WWOX: variants seen among roughly 807,000 people sequenced by gnomAD.
WWOX encodes the protein WW domain-containing oxidoreductase.
WWOX carries 69 observed loss-of-function variants against 46.2 expected under a neutral mutation model. The observed-to-expected ratio is 1.49, with a 90% CI of 1.23 to 1.82. WWOX has a LOEUF of 1.82. Ranked by LOEUF, WWOX falls within the 40% of genes most tolerant of loss-of-function variation. WWOX has a pLI of 0.00. For missense variants in WWOX, 919 were observed against 542.6 expected (o/e 1.69, Z -6.89); for synonymous variants, 359 against 202.6 (o/e 1.77, Z -6.56).
rs200371035 is a variant in WWOX at position 79,211,920 on chromosome 16, G to T, written c.*124G>T. ...ATCCGCAAGAGTAAAGGAAATAAGA[G>T]CAGTCACAACAGAGTGAAAAATCTT... On this transcript the variant is annotated 3_prime_UTR_variant, in exon 9 of 9. Coordinates refer to ENST00000566780, the MANE Select transcript of WWOX (RefSeq NM_016373.4). 2.6e-6 allele frequency: 4 copies of T among 1,543,480 alleles called. No homozygotes were observed. Among genetic ancestry groups the T allele is most frequent in the Admixed American group, 2.0e-5 (1 of 51,158 alleles).
At chr16:79,086,887 C>G (rs1231627254) in intron 8 of WWOX, among the ~76,000 whole-genome samples, 3 of 152,106 alleles carry the variant, frequency 2.0e-5, no homozygotes, top group African/African-American at 7.2e-5. Flanking sequence ...TGTCCCAAAA[C>G]AAAATAAAAC....
At chr16:78,782,817 G>C (rs548074462) in intron 8 of WWOX, among the ~76,000 whole-genome samples, 1 of 152,020 alleles carries the variant, frequency 6.6e-6, no homozygotes. Flanking sequence ...AAGATGTACT[G>C]TTATTTTATG....
At chr16:78,833,398 C>T (rs1039524468) in intron 8 of WWOX, among the ~76,000 whole-genome samples, 1 of 150,506 alleles carries the variant, frequency 6.6e-6, no homozygotes, top group Non-Finnish European at 1.5e-5. Context: ...TGGCTGTTCT[C>T]ATGTTTACTT....
chr16:78,982,739 G>C (rs904340068), intron 8 of WWOX, among the ~76,000 whole-genome samples: 2 of 152,174 alleles, frequency 1.3e-5, no homozygotes, highest in African/African-American at 2.4e-5. Flanking sequence ...TTTGAATCCT[G>C]CAAACCCTCG....
chr16:78,422,806 C>CATATAT (rs1408611817), intron 6 of WWOX, among the ~76,000 whole-genome samples: 1 of 117,876 alleles, frequency 8.5e-6, no homozygotes, highest in Non-Finnish European at 1.5e-5. Context: ...TATATATACA[C>CATATAT]ACACATATAT....
intron 5 of WWOX, among the ~76,000 whole-genome samples, chr16:78,239,439 A>T (rs1258476634): frequency 2.0e-5 from 3 of 152,060 alleles, no homozygotes; most frequent in Non-Finnish European, 2.9e-5. Flanking sequence ...TGCTCATGGG[A>T]CTGGTGTGTT....
intron 8 of WWOX, among the ~76,000 whole-genome samples, chr16:78,936,704 C>G (rs997787150): frequency 2.6e-5 from 4 of 151,734 alleles, no homozygotes; most frequent in Non-Finnish European, 4.4e-5. Flanking sequence ...AGATTTCTGA[C>G]AACAGCTCAG....
At chr16:78,446,657 C>CTTTTTTT (rs5818138) in intron 8 of WWOX, among the ~76,000 whole-genome samples, 3 of 88,114 alleles carry the variant, frequency 3.4e-5, no homozygotes, top group African/African-American at 9.1e-5. Context: ...CAAGTGTATA[C>CTTTTTTT]TTTTTTTTTT....
chr16:78,990,817 G>A (rs562778189), intron 8 of WWOX, among the ~76,000 whole-genome samples: 1 of 152,334 alleles, frequency 6.6e-6, no homozygotes, highest in African/African-American at 2.4e-5. Context: ...CTTTGCCTCA[G>A]TCTTTCTGGA....
intron 8 of WWOX, among the ~76,000 whole-genome samples, chr16:78,674,491 G>T (rs1296848979): frequency 6.6e-6 from 1 of 151,998 alleles, no homozygotes; most frequent in South Asian, 2.1e-4. Flanking sequence ...CACCATGTTA[G>T]CCAGGCTGGT....
At position 78,763,061 on chromosome 16, in the gene WWOX, T is replaced by C. The variant is rs137860170; in HGVS notation, c.1056+330309T>C. On this transcript the variant is annotated intron_variant, in intron 8 of 8. Coordinates refer to ENST00000566780, the MANE Select transcript of WWOX (RefSeq NM_016373.4). Reference sequence around the variant, plus strand: ...TGGGACTTACACTAGAACATTCATATTGCAATAAAGCAGATTTTTCCTGAG... The same window carrying C: ...TGGGACTTACACTAGAACATTCATACTGCAATAAAGCAGATTTTTCCTGAG... Among the ~76,000 whole-genome samples the C allele has an allele frequency of 3.6e-3, 547 of 152,312 alleles. 6 individuals carry two copies. Among genetic ancestry groups the C allele is most frequent in the Middle Eastern group, 0.017 (5 of 294 alleles).
At chr16:78,318,673 TTA>T (rs1271740151) in intron 5 of WWOX, among the ~76,000 whole-genome samples, 2 of 152,184 alleles carry the variant, frequency 1.3e-5, no homozygotes, top group Non-Finnish European at 2.9e-5. Context: ...ATAATAAATG[TTA>T]AGTGCTTTTA....
intron 5 of WWOX, among the ~76,000 whole-genome samples, chr16:78,255,070 A>G (rs994472497): frequency 1.3e-5 from 2 of 152,206 alleles, no homozygotes; most frequent in Admixed American, 6.5e-5. Context: ...TTCCCCTTTC[A>G]TGTTCCTGGC....
intron 4 of WWOX, among the ~76,000 whole-genome samples, chr16:78,145,587 G>C (rs2034170595): frequency 6.6e-6 from 1 of 152,170 alleles, no homozygotes; most frequent in Non-Finnish European, 1.5e-5. Context: ...GGGTGGGTCT[G>C]TCTCTCTTCA....
In WWOX at chr16:78,422,802, T is replaced by TAC. The variant is rs1302383672; in HGVS notation, c.606-2060_606-2059dup. Among the ~76,000 whole-genome samples, 164 of 106,524 alleles carry TAC rather than the reference T, an allele frequency of 1.5e-3. 4 individuals carry two copies. The highest frequency in any genetic ancestry group is 8.9e-3 in the African/African-American group (134 of 14,986). 69.9% of individuals were successfully genotyped at this position (106,524 alleles called of 152,430 possible). ...ATATATATACACACACACATATATA[T>TAC]ACACACACATATATATACACACACA... On this transcript the variant is annotated intron_variant, in intron 6 of 8. Coordinates refer to ENST00000566780, the MANE Select transcript of WWOX (RefSeq NM_016373.4).
At chr16:78,966,199 A>C (rs1281790504) in intron 8 of WWOX, among the ~76,000 whole-genome samples, 1 of 152,222 alleles carries the variant, frequency 6.6e-6, no homozygotes, top group Non-Finnish European at 1.5e-5. Context: ...CTCAGGAACA[A>C]AAAAGTCAGG....
intron 8 of WWOX, among the ~76,000 whole-genome samples, chr16:78,531,908 C>T (rs755689701): frequency 7.2e-5 from 11 of 152,124 alleles, no homozygotes; most frequent in Non-Finnish European, 1.5e-4. Context: ...CTGCCAACTA[C>T]AATAACTTTT....
At chr16:78,567,547 C>T (rs1195477834) in intron 8 of WWOX, among the ~76,000 whole-genome samples, 6 of 100,710 alleles carry the variant, frequency 6.0e-5, no homozygotes, top group African/African-American at 1.5e-4. Flanking sequence ...AAGGAGACTC[C>T]GTCTCAAAAA....
chr16:78,891,770 G>A (rs1199519480), intron 8 of WWOX: 1 of 151,950 alleles, frequency 6.6e-6, no homozygotes, highest in East Asian at 1.9e-4. Context: ...ATCCACTGCT[G>A]GGTATTCTTC....
Sources: allele counts gnomAD v4.1 joint callset (sites outside exome capture counted in the v4.1 genomes callset), GRCh38; gene constraint gnomAD v4.1.1; transcripts MANE v1.5; gene names NCBI Gene and HGNC (gene_info 2026-07-23, HGNC 2026-07-21).